CNPY1: variants seen among roughly 807,000 people sequenced by gnomAD.
The protein encoded by CNPY1 is protein canopy homolog 1.
In CNPY1, 14 loss-of-function variants were observed where a neutral mutation model predicts 14.4. The ratio of observed to expected loss-of-function variants is 0.97; its 90% CI spans 0.64 to 1.52. CNPY1 has a LOEUF of 1.52. Ranked by LOEUF, CNPY1 falls within the 40% of genes most tolerant of loss-of-function variation. CNPY1 has a pLI of 0.00. For missense variants in CNPY1, 129 were observed against 131.5 expected (o/e 0.98, Z 0.09); for synonymous variants, 43 against 46.5 (o/e 0.92, Z 0.31).
chr7:155,528,359 A>G (rs1294357443), intron 2 of CNPY1, among the ~76,000 whole-genome samples: 2 of 152,248 alleles, frequency 1.3e-5, no homozygotes, highest in African/African-American at 4.8e-5. Flanking sequence ...AGACTCGCCC[A>G]TTCTGGGCAA....
chr7:155,507,471 T>TAAAAAAAAAAAAAAAAAA lies in CNPY1; in HGVS notation c.304-373_304-356dup, dbSNP rs35711313. ...CTGAAAAGTCCAACGGTTTTTAAAC[T>TAAAAAAAAAAAAAAAAAA]AAAAAAAAAAAAAAAAAAAAAAAAA... is the stretch of plus-strand genomic sequence containing the variant. On this transcript the variant is annotated intron_variant, in intron 3 of 4. Coordinates refer to ENST00000636446, the MANE Select transcript of CNPY1 (RefSeq NM_001393663.1). Among the ~76,000 whole-genome samples the TAAAAAAAAAAAAAAAAAA allele has an allele frequency of 9.1e-4, 49 of 54,142 alleles. 4 individuals are homozygous for TAAAAAAAAAAAAAAAAAA. The highest frequency in any genetic ancestry group is 4.2e-3 in the African/African-American group (42 of 10,106). 35.5% of individuals were successfully genotyped at this position (54,142 alleles called of 152,430 possible).
chr7:155,502,991 A>T lies in CNPY1; in HGVS notation c.*77T>A. 4.5e-6 allele frequency: 6 copies of T among 1,323,902 alleles called. 1 individual carries two copies. In the South Asian group the frequency reaches 7.6e-5, roughly 17 times the overall value. 82.0% of individuals were successfully genotyped at this position (1,323,902 alleles called of 1,614,324 possible). A position where few individuals can be genotyped will look rare whatever the true frequency, so the allele number is the denominator to read the frequency against. On this transcript the variant is annotated 3_prime_UTR_variant, in exon 5 of 5. Transcript: ENST00000636446. ...CAAAATTTTTCTTATCATGAAAGACAACATGCAAACATAAAATGCAGACAT... is the reference window on the plus strand; with the variant it reads ...CAAAATTTTTCTTATCATGAAAGACTACATGCAAACATAAAATGCAGACAT...
intron 2 of CNPY1, among the ~76,000 whole-genome samples, chr7:155,525,886 C>T (rs1272914753): frequency 1.3e-5 from 2 of 152,256 alleles, no homozygotes; most frequent in East Asian, 1.9e-4. Flanking sequence ...TTCCTAGAGT[C>T]GTCACAAAAT....
At position 155,509,012 on chromosome 7, in the gene CNPY1, T is replaced by C. The variant is rs756623171; in HGVS notation, c.185A>G (p.Asp62Gly). The C allele has an allele frequency of 1.2e-6, 2 of 1,613,886 alleles. No individual in the cohort carries two copies. Among genetic ancestry groups the C allele is most frequent in the Non-Finnish European group, 1.7e-6 (2 of 1,179,902 alleles). Residue 62 changes from aspartate (D) to glycine (G), a missense_variant, in exon 3 of 5, where the codon GAC becomes GGC. By Grantham distance (94) the Asp-to-Gly change is moderately conservative. Transcript: ENST00000636446. ...ERMNDYKLEE[D>G]PVTKERTFKR... ...GAAAGTTCTCTCCTTCGTCACAGGG[T>C]CTTCCTCAAGCTTGTAGTCGTTCAT...
At chr7:155,508,785 A>G in intron 3 of CNPY1, 109 bp downstream of exon 3, 2 of 1,148,902 alleles carry the variant, frequency 1.7e-6, no homozygotes, top group Non-Finnish European at 2.5e-6. Flanking sequence ...GTGCATTTTG[A>G]TGTTCCATGT....
chr7:155,533,291 G>A (rs1187522149), intron 2 of CNPY1, among the ~76,000 whole-genome samples: 1 of 152,212 alleles, frequency 6.6e-6, no homozygotes, highest in East Asian at 1.9e-4. Context: ...TTGTCACCTG[G>A]CAGATAAGTG....
chr7:155,525,752 CT>C (rs1796808494), intron 2 of CNPY1, among the ~76,000 whole-genome samples: 1 of 152,194 alleles, frequency 6.6e-6, no homozygotes, highest in Non-Finnish European at 1.5e-5. Flanking sequence ...CTTGTGGACT[CT>C]TTTTATATCA....
At chr7:155,540,601 G>C (rs546126376) in intron 2 of CNPY1, among the ~76,000 whole-genome samples, 1 of 152,358 alleles carries the variant, frequency 6.6e-6, no homozygotes, top group South Asian at 2.1e-4. Context: ...AAGTTTCGCA[G>C]AGAGCGAGGC....
At chr7:155,527,863 G>A (rs995589629) in intron 2 of CNPY1, among the ~76,000 whole-genome samples, 2 of 152,194 alleles carry the variant, frequency 1.3e-5, no homozygotes, top group Non-Finnish European at 2.9e-5. Context: ...CAGGGGTCCC[G>A]GCCGCTGCTG....
chr7:155,538,198 G>T (rs1797045041), intron 2 of CNPY1, among the ~76,000 whole-genome samples: 1 of 152,174 alleles, frequency 6.6e-6, no homozygotes, highest in Non-Finnish European at 1.5e-5. Flanking sequence ...TTCTTATTAA[G>T]GTGGCATCCA....
intron 2 of CNPY1, among the ~76,000 whole-genome samples, chr7:155,543,719 G>A (rs574123935): frequency 2.6e-5 from 4 of 152,132 alleles, no homozygotes; most frequent in South Asian, 4.1e-4. Flanking sequence ...TCTCCAACAC[G>A]AGGAACCCAC....
At chr7:155,546,002 T>C (rs969163091) in intron 1 of CNPY1, 59 bp from the exon 2 acceptor site, 2 of 398,432 alleles carry the variant, frequency 5.0e-6, no homozygotes, top group Non-Finnish European at 8.8e-6. Context: ...GCCGGGCCTG[T>C]GGAGTGGCTT....
intron 2 of CNPY1, among the ~76,000 whole-genome samples, chr7:155,537,353 C>A (rs1340876095): frequency 6.6e-6 from 1 of 152,092 alleles, no homozygotes; most frequent in Non-Finnish European, 1.5e-5. Context: ...GCCAGTGACA[C>A]CACCAGGAAT....
intron 2 of CNPY1, among the ~76,000 whole-genome samples, chr7:155,516,648 C>G (rs1331825058): frequency 6.6e-6 from 1 of 152,186 alleles, no homozygotes; most frequent in Non-Finnish European, 1.5e-5. Flanking sequence ...CGCTGGGTCA[C>G]CCAGTAGGAG....
chr7:155,531,587 C>G (rs912873279), intron 2 of CNPY1, among the ~76,000 whole-genome samples: 1 of 152,174 alleles, frequency 6.6e-6, no homozygotes, highest in African/African-American at 2.4e-5. Flanking sequence ...CGGCACTTCC[C>G]TGTCAGATGG....
chr7:155,519,554 TAAATAAATAAGA>T (rs1205580040), intron 2 of CNPY1, among the ~76,000 whole-genome samples: 5,933 of 148,198 alleles, frequency 0.04, 401 homozygotes, highest in African/African-American at 0.14. Context: ...AATAAATAAA[TAAATAAATAAGA>T]AAGAAAGAAG....
chr7:155,528,782 T>C lies in CNPY1; in HGVS notation c.99+17049A>G, dbSNP rs115643532. ...CACCTAAGAAAAAACAACTTTGGGCTGGGCGCGGTGGCTCACACCTGTAAT... is the reference window on the plus strand; with the variant it reads ...CACCTAAGAAAAAACAACTTTGGGCCGGGCGCGGTGGCTCACACCTGTAAT... On this transcript the variant is annotated intron_variant, in intron 2 of 4. Transcript: ENST00000636446. 1.7e-3 allele frequency among the ~76,000 whole-genome samples: 255 copies of C among 152,316 alleles called. 3 individuals are homozygous for C. Among genetic ancestry groups the C allele is most frequent in the African/African-American group, 4.8e-3 (200 of 41,558 alleles).
intron 2 of CNPY1, among the ~76,000 whole-genome samples, chr7:155,520,428 C>CTTTCTTTT (rs1796697772): frequency 1.4e-5 from 1 of 69,410 alleles, no homozygotes; most frequent in Non-Finnish European, 2.4e-5. Context: ...TTCTTTCTTT[C>CTTTCTTTT]TTTTTTTTTT....
chr7:155,543,789 G>C (rs1023448546), intron 2 of CNPY1, among the ~76,000 whole-genome samples: 3 of 152,184 alleles, frequency 2.0e-5, no homozygotes, highest in Non-Finnish European at 4.4e-5. Context: ...ATGCTGGCCT[G>C]GGCTACTTCT....
Sources: allele counts gnomAD v4.1 joint callset (sites outside exome capture counted in the v4.1 genomes callset), GRCh38; gene constraint gnomAD v4.1.1; transcripts MANE v1.5; gene names NCBI Gene and HGNC (gene_info 2026-07-23, HGNC 2026-07-21).